NRXN1: variants seen among roughly 807,000 people sequenced by gnomAD.
The protein encoded by NRXN1 is neurexin 1.
Under a neutral mutation model 150.9 loss-of-function variants are expected in NRXN1, and 39 were observed. The observed-to-expected ratio is 0.26, with a 90% CI of 0.20 to 0.34. The LOEUF is 0.34. Among genes scored for constraint, NRXN1 ranks in the 10% least tolerant of loss-of-function variants. NRXN1 has a pLI of 1.00. For missense variants in NRXN1, 1,815 were observed against 1,949.9 expected (o/e 0.93, Z 1.30); for synonymous variants, 924 against 757.0 (o/e 1.22, Z -3.62).
intron 17 of NRXN1, among the ~76,000 whole-genome samples, chr2:50,290,103 T>C (rs917351790): frequency 6.6e-6 from 1 of 152,142 alleles, no homozygotes; most frequent in African/African-American, 2.4e-5. Flanking sequence ...TTTATCTACT[T>C]CAGACACATG....
intron 8 of NRXN1, among the ~76,000 whole-genome samples, chr2:50,608,475 A>T (rs559577335): frequency 6.6e-6 from 1 of 152,078 alleles, no homozygotes. Flanking sequence ...GTATGCTATG[A>T]GTTGTTCATG....
intron 17 of NRXN1, among the ~76,000 whole-genome samples, chr2:50,439,427 A>C (rs2085726448): frequency 6.6e-6 from 1 of 152,226 alleles, no homozygotes; most frequent in Admixed American, 6.5e-5. Context: ...AGTGAACATT[A>C]AAGACAGTGT....
At chr2:50,146,811 T>C (rs781066646) in intron 18 of NRXN1, among the ~76,000 whole-genome samples, 5 of 151,686 alleles carry the variant, frequency 3.3e-5, no homozygotes, top group African/African-American at 7.2e-5. Context: ...CCTTTCTTTG[T>C]GTTTTTTACC....
chr2:50,403,462 C>G (rs2082533436), intron 17 of NRXN1, among the ~76,000 whole-genome samples: 1 of 152,154 alleles, frequency 6.6e-6, no homozygotes, highest in Non-Finnish European at 1.5e-5. Context: ...AAACTCCACT[C>G]TTTCACATTT....
intron 5 of NRXN1, among the ~76,000 whole-genome samples, chr2:50,803,874 C>T (rs748217056): frequency 1.3e-5 from 2 of 152,098 alleles, no homozygotes; most frequent in African/African-American, 2.4e-5. Flanking sequence ...TAACCCCAGG[C>T]TTTGATAGTT....
chr2:50,295,356 A>AT (rs1321286981), intron 17 of NRXN1, among the ~76,000 whole-genome samples: 1 of 152,160 alleles, frequency 6.6e-6, no homozygotes, highest in Non-Finnish European at 1.5e-5. Context: ...CACAAGGTAA[A>AT]TTTTTTATGA....
intron 17 of NRXN1, among the ~76,000 whole-genome samples, chr2:50,354,627 G>C (rs1347915412): frequency 7.9e-6 from 1 of 126,420 alleles, no homozygotes; most frequent in Non-Finnish European, 1.7e-5. Flanking sequence ...TTCTGAAATG[G>C]GTTTTTTTTC....
chr2:50,194,433 A>G (rs1348253461), intron 18 of NRXN1, among the ~76,000 whole-genome samples: 1 of 152,194 alleles, frequency 6.6e-6, no homozygotes, highest in Non-Finnish European at 1.5e-5. Context: ...AATTCTAGCT[A>G]TTTTTATGCC....
intron 17 of NRXN1, among the ~76,000 whole-genome samples, chr2:50,356,064 C>CAAA (rs539688200): frequency 2.1e-5 from 3 of 143,318 alleles, no homozygotes; most frequent in African/African-American, 7.6e-5. Flanking sequence ...TTCCATACTT[C>CAAA]AAAAAAAAAA....
intron 17 of NRXN1, among the ~76,000 whole-genome samples, chr2:50,359,512 T>C (rs575839226): frequency 2.6e-5 from 4 of 151,176 alleles, no homozygotes; most frequent in African/African-American, 4.9e-5. Context: ...ATATCAGAGA[T>C]TGACAATCAA....
chr2:50,104,435 T>C (rs924421962), intron 18 of NRXN1, among the ~76,000 whole-genome samples: 5 of 151,972 alleles, frequency 3.3e-5, no homozygotes, highest in African/African-American at 1.2e-4. Flanking sequence ...ATCAGAAACA[T>C]CATTCTAAGG....
intron 21 of NRXN1, among the ~76,000 whole-genome samples, chr2:50,011,635 G>C (rs1033549548): frequency 9.9e-5 from 15 of 152,158 alleles, no homozygotes; most frequent in African/African-American, 3.6e-4. Context: ...CTCACCATCA[G>C]AGGCTGGTCA....
chr2:50,729,179 T>C (rs1697772474), intron 5 of NRXN1, among the ~76,000 whole-genome samples: 1 of 152,218 alleles, frequency 6.6e-6, no homozygotes, highest in Non-Finnish European at 1.5e-5. Context: ...AATCATATTT[T>C]CATTGAAACG....
chr2:50,675,797 G>A (rs550894687), intron 5 of NRXN1, among the ~76,000 whole-genome samples: 1 of 152,214 alleles, frequency 6.6e-6, no homozygotes, highest in African/African-American at 2.4e-5. Flanking sequence ...AAGATGGAGA[G>A]TATCAGCTAA....
At chr2:50,332,357 C>T (rs1159064226) in intron 17 of NRXN1, among the ~76,000 whole-genome samples, 3 of 152,188 alleles carry the variant, frequency 2.0e-5, no homozygotes, top group Admixed American at 1.3e-4. Context: ...ACAAAAACCA[C>T]ACTTTCTGTC....
intron 17 of NRXN1, among the ~76,000 whole-genome samples, chr2:50,379,147 G>A (rs1279140922): frequency 2.6e-5 from 4 of 152,222 alleles, no homozygotes; most frequent in Admixed American, 6.5e-5. Flanking sequence ...GAAAGAGAGA[G>A]AAAGGCATTA....
At chr2:50,001,783 C>A (rs1457015023) in intron 21 of NRXN1, among the ~76,000 whole-genome samples, 1 of 152,062 alleles carries the variant, frequency 6.6e-6, no homozygotes, top group Admixed American at 6.6e-5. Flanking sequence ...TAAGTAATTT[C>A]TGCCTCCTAT....
intron 18 of NRXN1, among the ~76,000 whole-genome samples, chr2:50,125,439 C>G (rs540611826): frequency 1.3e-5 from 2 of 151,950 alleles, no homozygotes; most frequent in African/African-American, 2.4e-5. Flanking sequence ...TGGCTTTGTA[C>G]CAAAAACAGG....
chr2:50,483,406 T>C (rs1296389540), intron 15 of NRXN1, among the ~76,000 whole-genome samples: 1 of 152,166 alleles, frequency 6.6e-6, no homozygotes, highest in African/African-American at 2.4e-5. Context: ...AGGCATTTGT[T>C]TGTTTCTTTA....
Sources: gnomAD v4.1 joint callset for allele counts (sites outside exome capture counted in the v4.1 genomes callset) on GRCh38, gnomAD v4.1.1 for gene constraint, MANE v1.5 for transcripts, NCBI Gene and HGNC (gene_info 2026-07-23, HGNC 2026-07-21) for gene names.